The following DCHS2 variants were observed in gnomAD, a reference collection of about 807,000 sequenced individuals.
DCHS2 encodes protocadherin-23.
In DCHS2, 142 loss-of-function variants were observed where a neutral mutation model predicts 182.4. The ratio of observed to expected loss-of-function variants is 0.78; its 90% CI spans 0.68 to 0.89. The LOEUF (loss-of-function observed/expected upper bound fraction) is 0.89. Ranked by LOEUF, DCHS2 falls within the 40% of genes least tolerant of loss-of-function variation. The pLI is 0.00. For synonymous variants in DCHS2, 1,740 were observed against 1,663.3 expected, an observed-to-expected ratio of 1.05 and a Z score of -1.12; for missense variants, 4,319 against 4,198.6, an observed-to-expected ratio of 1.03 and a Z score of -0.79.
chr4:154,487,854 T>C (rs1728641931), intron 1 of DCHS2, among the ~76,000 whole-genome samples: 1 of 152,194 alleles, frequency 6.6e-6, no homozygotes, highest in South Asian at 2.1e-4. Flanking sequence ...AAATCAGTCT[T>C]GGAACTTTGA....
chr4:154,245,735 G>T (rs1269173511), intron 16 of DCHS2, among the ~76,000 whole-genome samples: 1 of 152,066 alleles, frequency 6.6e-6, no homozygotes, highest in Non-Finnish European at 1.5e-5. Flanking sequence ...AAAAATGAGG[G>T]AAGATATTAG....
chr4:154,430,181 A>C (rs1162911761), intron 1 of DCHS2, among the ~76,000 whole-genome samples: 2 of 152,232 alleles, frequency 1.3e-5, no homozygotes, highest in African/African-American at 4.8e-5. Flanking sequence ...GCATGCTTGC[A>C]GATGACACAA....
At chr4:154,286,369 G>A (rs545429163) in intron 13 of DCHS2, among the ~76,000 whole-genome samples, 2 of 152,038 alleles carry the variant, frequency 1.3e-5, no homozygotes, top group Non-Finnish European at 2.9e-5. Context: ...TAAGGCACCA[G>A]GGACAAATCC....
In DCHS2 at chr4:154,237,175, T is replaced by C. The variant is rs1480091056; in HGVS notation, c.7493-16A>G. Reference sequence around the variant, plus strand: ...AATATTGTGCCTGAAAAATAAGACATAGTATTTCAACACTGTGAGGTGCAG... The same window carrying C: ...AATATTGTGCCTGAAAAATAAGACACAGTATTTCAACACTGTGAGGTGCAG... On this transcript the variant is annotated splice_polypyrimidine_tract_variant and intron_variant, in intron 19 of 19. Coordinates refer to ENST00000357232, the MANE Select transcript of DCHS2 (RefSeq NM_001358235.2). 1 of 1,592,532 alleles carries C rather than the reference T, an allele frequency of 6.3e-7. No individual in the cohort carries two copies. Among genetic ancestry groups the C allele is most frequent in the Non-Finnish European group, 8.5e-7 (1 of 1,172,314 alleles).
intron 14 of DCHS2, among the ~76,000 whole-genome samples, chr4:154,262,874 A>C (rs1470648828): frequency 6.6e-6 from 1 of 152,218 alleles, no homozygotes; most frequent in East Asian, 1.9e-4. Flanking sequence ...TTACATACAA[A>C]ACCTTAGTCA....
At chr4:154,418,385 C>G (rs1732960564) in intron 1 of DCHS2, among the ~76,000 whole-genome samples, 1 of 152,176 alleles carries the variant, frequency 6.6e-6, no homozygotes, top group African/African-American at 2.4e-5. Flanking sequence ...TGGCAGAAGC[C>G]CCTTGCAAGG....
chr4:154,355,764 A>G (rs1330400263), intron 3 of DCHS2: 1 of 152,056 alleles, frequency 6.6e-6, no homozygotes, highest in Non-Finnish European at 1.5e-5. Context: ...TTACTTAATA[A>G]TGTCATAATA....
In DCHS2 at chr4:154,237,138, G is replaced by A. The variant is rs1731567998; in HGVS notation, c.7514C>T (p.Pro2505Leu). The A allele has an allele frequency of 6.2e-7, 1 of 1,611,060 alleles. No homozygotes were observed. Among genetic ancestry groups the A allele is most frequent in the Non-Finnish European group, 8.5e-7 (1 of 1,179,030 alleles). The change falls in exon 20 of 20, where the codon CCC (proline) becomes CTC (leucine). Residue 2505 changes from proline (P) to leucine (L), a missense_variant. Transcript: ENST00000357232. ...PKNGTIFTISPVLLLDTISTT... is the reference protein window; with the variant it reads ...PKNGTIFTISLVLLLDTISTT... ...TGATATTGTATCCAGAAGTAATACGGGACTGATAGTAAATATTGTGCCTGA... is the reference window on the plus strand; with the variant it reads ...TGATATTGTATCCAGAAGTAATACGAGACTGATAGTAAATATTGTGCCTGA...
At chr4:154,470,848 G>T (rs1735435520) in intron 1 of DCHS2, among the ~76,000 whole-genome samples, 1 of 152,108 alleles carries the variant, frequency 6.6e-6, no homozygotes, top group Non-Finnish European at 1.5e-5. Flanking sequence ...TTTTCCCTTT[G>T]TAATACTTGG....
intron 3 of DCHS2, among the ~76,000 whole-genome samples, chr4:154,355,937 G>T (rs762042964): frequency 5.9e-5 from 9 of 151,930 alleles, no homozygotes; most frequent in Non-Finnish European, 1.3e-4. Flanking sequence ...CCATATTACT[G>T]GTTTATGTAT....
intron 16 of DCHS2, among the ~76,000 whole-genome samples, chr4:154,249,655 G>C (rs533950707): frequency 2.0e-5 from 3 of 152,148 alleles, no homozygotes; most frequent in African/African-American, 7.2e-5. Flanking sequence ...TAGCAAAAAG[G>C]CAACCTAGGT....
chr4:154,323,668 G>T (rs561081116), intron 7 of DCHS2, among the ~76,000 whole-genome samples: 1 of 152,028 alleles, frequency 6.6e-6, no homozygotes, highest in Non-Finnish European at 1.5e-5. Flanking sequence ...AAAACTCTAC[G>T]CCTGATTCAT....
intron 14 of DCHS2, among the ~76,000 whole-genome samples, chr4:154,261,321 C>G (rs138267709): frequency 2.8e-4 from 43 of 152,274 alleles, no homozygotes; most frequent in South Asian, 1.0e-3. Flanking sequence ...TGGAATGTCT[C>G]TTTGTAGTAA....
chr4:154,454,798 C>T (rs1014544994), intron 1 of DCHS2, among the ~76,000 whole-genome samples: 1 of 152,146 alleles, frequency 6.6e-6, no homozygotes, highest in Non-Finnish European at 1.5e-5. Flanking sequence ...AGTTGCTTTT[C>T]AGAAAGAAAA....
chr4:154,236,991 T>C lies in DCHS2; in HGVS notation c.7661A>G (p.Tyr2554Cys), dbSNP rs769655923. The C allele has an allele frequency of 1.2e-6, 2 of 1,614,030 alleles. No homozygotes were observed. Among genetic ancestry groups the C allele is most frequent in the Non-Finnish European group, 8.5e-7 (1 of 1,179,920 alleles). Residue 2554 changes from tyrosine (Y) to cysteine (C), a missense_variant, in exon 20 of 20, where the codon TAT becomes TGT. Physicochemically the swap from Tyr to Cys is radical, Grantham distance 194. Transcript: ENST00000357232. Reference protein sequence around the residue: ...NYAPEFTVKSYNLSLSEDALV... With the variant: ...NYAPEFTVKSCNLSLSEDALV... Reference sequence around the variant, plus strand: ...AGCATCCTCACTTAGGCTAAGATTATAGGATTTGACTGTGAATTCAGGGGC... The same window carrying C: ...AGCATCCTCACTTAGGCTAAGATTACAGGATTTGACTGTGAATTCAGGGGC...
intron 3 of DCHS2, among the ~76,000 whole-genome samples, chr4:154,364,820 T>C (rs909558796): frequency 9.8e-5 from 15 of 152,320 alleles, no homozygotes; most frequent in Non-Finnish European, 1.2e-4. Flanking sequence ...AAATGTCTAG[T>C]GTAGCATCTG....
chr4:154,343,082 A>G (rs1246779199), intron 3 of DCHS2, among the ~76,000 whole-genome samples: 1 of 152,216 alleles, frequency 6.6e-6, no homozygotes, highest in Non-Finnish European at 1.5e-5. Context: ...GTCAGTGAGC[A>G]GTAATGATTT....
At chr4:154,340,690 C>T (rs1729022324) in intron 3 of DCHS2, among the ~76,000 whole-genome samples, 1 of 152,002 alleles carries the variant, frequency 6.6e-6, no homozygotes, top group South Asian at 2.1e-4. Flanking sequence ...TGATGAATGT[C>T]CATTTTATTT....
At chr4:154,406,163 T>C (rs151012882) in intron 1 of DCHS2, among the ~76,000 whole-genome samples, 51 of 152,352 alleles carry the variant, frequency 3.3e-4, no homozygotes, top group African/African-American at 1.2e-3. Flanking sequence ...TGGGCCAGCA[T>C]ATGCACAGCC....
Sources: allele counts gnomAD v4.1 joint callset (sites outside exome capture counted in the v4.1 genomes callset), GRCh38; gene constraint gnomAD v4.1.1; transcripts MANE v1.5; gene names NCBI Gene and HGNC (gene_info 2026-07-23, HGNC 2026-07-21).